Variants in ZNF521 observed in about 807,000 individuals in gnomAD.
The protein encoded by ZNF521 is LYST-interacting protein 3.
Under a neutral mutation model 105.5 loss-of-function variants are expected in ZNF521, and 14 were observed. That is an observed-to-expected ratio of 0.13 (90% CI 0.09 to 0.21). The LOEUF is 0.21. ZNF521 is among the 10% of genes least tolerant of loss of function. The pLI is 1.00. For synonymous variants in ZNF521, 635 were observed against 606.0 expected (o/e 1.05, Z -0.70); for missense variants, 1,233 against 1,629.7 (o/e 0.76, Z 4.19).
At chr18:25,295,557 G>GT (rs1446104829) in intron 3 of ZNF521, among the ~76,000 whole-genome samples, 3 of 150,056 alleles carry the variant, frequency 2.0e-5, no homozygotes, top group Non-Finnish European at 4.4e-5. Flanking sequence ...TTGCATGCCC[G>GT]TATCAAAATA....
intron 3 of ZNF521, among the ~76,000 whole-genome samples, chr18:25,305,398 GA>G (rs1911923372): frequency 6.6e-6 from 1 of 152,158 alleles, no homozygotes; most frequent in South Asian, 2.1e-4. Flanking sequence ...ATGTTTTAGT[GA>G]TATCCATTCA....
At chr18:25,312,908 C>T (rs1231954979) in intron 3 of ZNF521, among the ~76,000 whole-genome samples, 1 of 151,992 alleles carries the variant, frequency 6.6e-6, no homozygotes, top group Non-Finnish European at 1.5e-5. Context: ...TTGGTGGGAG[C>T]CCTGACAGTT....
chr18:25,112,566 C>T lies in ZNF521; in HGVS notation c.3659-20485G>A, dbSNP rs543446278. On this transcript the variant is annotated intron_variant, in intron 5 of 7. Transcript: ENST00000361524. ...TGGCAATTTAATAATAAACACACTC[C>T]CATCCAGCGCATCTTGCCATTCTGC... 3.2e-4 allele frequency among the ~76,000 whole-genome samples: 48 copies of T among 152,258 alleles called. No homozygotes were observed. The South Asian group carries it at 8.7e-3, about 28-fold the overall frequency.
chr18:25,290,546 A>C (rs923624633), intron 3 of ZNF521, among the ~76,000 whole-genome samples: 1 of 151,774 alleles, frequency 6.6e-6, no homozygotes. Flanking sequence ...TTTTAACTAG[A>C]GAGCAATTTC....
At chr18:25,109,659 G>T (rs959321344) in intron 5 of ZNF521, among the ~76,000 whole-genome samples, 7 of 152,182 alleles carry the variant, frequency 4.6e-5, no homozygotes, top group South Asian at 2.1e-4. Context: ...GGTGTAAGAT[G>T]ATACCTCATT....
chr18:25,084,754 G>A (rs1408842572), intron 7 of ZNF521, among the ~76,000 whole-genome samples: 5 of 152,182 alleles, frequency 3.3e-5, no homozygotes, highest in South Asian at 4.1e-4. Context: ...AACTTTCTAT[G>A]TGGACACATT....
At chr18:25,178,820 C>CAG (rs1336397248) in intron 5 of ZNF521, among the ~76,000 whole-genome samples, 1 of 152,170 alleles carries the variant, frequency 6.6e-6, no homozygotes, top group Non-Finnish European at 1.5e-5. Context: ...AAGAACACCT[C>CAG]AGCACAGGCT....
intron 3 of ZNF521, among the ~76,000 whole-genome samples, chr18:25,283,026 C>A (rs898610371): frequency 1.3e-5 from 2 of 152,190 alleles, no homozygotes; most frequent in Non-Finnish European, 2.9e-5. Flanking sequence ...TGACTTTAAC[C>A]ACAGCGTGCC....
intron 7 of ZNF521, 126 bp downstream of exon 7, chr18:25,089,339 C>G: frequency 1.4e-6 from 1 of 712,968 alleles, no homozygotes; most frequent in Non-Finnish European, 2.3e-6. Flanking sequence ...CCCTTTGCCC[C>G]CAATACACAC....
chr18:25,345,258 C>G (rs1305858537), intron 2 of ZNF521: 1 of 152,124 alleles, frequency 6.6e-6, no homozygotes, highest in Non-Finnish European at 1.5e-5. Context: ...TTACCGGAAG[C>G]AAAAAGTTGA....
At chr18:25,072,146 C>T (rs2144127901) in intron 7 of ZNF521, among the ~76,000 whole-genome samples, 1 of 152,306 alleles carries the variant, frequency 6.6e-6, no homozygotes, top group Middle Eastern at 3.4e-3. Context: ...TGGAAAAGCC[C>T]ATGGCGGTTA....
At chr18:25,233,662 G>GTTT (rs373253299) in intron 3 of ZNF521, among the ~76,000 whole-genome samples, 10 of 114,448 alleles carry the variant, frequency 8.7e-5, no homozygotes, top group African/African-American at 2.2e-4. Flanking sequence ...AAGCTCAGAG[G>GTTT]TTTTTTTTTT....
chr18:25,261,745 A>G (rs1908926478), intron 3 of ZNF521, among the ~76,000 whole-genome samples: 1 of 152,042 alleles, frequency 6.6e-6, no homozygotes, highest in East Asian at 1.9e-4. Flanking sequence ...CTCCCTGACC[A>G]GATGGAACTC....
At chr18:25,142,990 G>C (rs1012294298) in intron 5 of ZNF521, among the ~76,000 whole-genome samples, 5 of 152,114 alleles carry the variant, frequency 3.3e-5, no homozygotes, top group Admixed American at 1.3e-4. Flanking sequence ...ACACCTGCTA[G>C]AGATGTTCAT....
chr18:25,264,457 T>C (rs1909113770), intron 3 of ZNF521, among the ~76,000 whole-genome samples: 1 of 152,208 alleles, frequency 6.6e-6, no homozygotes, highest in Non-Finnish European at 1.5e-5. Flanking sequence ...CTGAAATTAT[T>C]TTCACTGGGA....
chr18:25,194,744 G>A (rs770350827), intron 5 of ZNF521, among the ~76,000 whole-genome samples: 6 of 151,428 alleles, frequency 4.0e-5, no homozygotes, highest in Non-Finnish European at 8.9e-5. Flanking sequence ...ACAAAAACTC[G>A]CTACTTTAGA....
intron 3 of ZNF521, among the ~76,000 whole-genome samples, chr18:25,240,505 A>G (rs1907237677): frequency 1.3e-5 from 2 of 152,154 alleles, no homozygotes; most frequent in Non-Finnish European, 2.9e-5. Context: ...TGACATAAAC[A>G]CGAGAGGGCT....
chr18:25,219,358 C>G (rs1905543636), intron 4 of ZNF521, among the ~76,000 whole-genome samples: 3 of 151,956 alleles, frequency 2.0e-5, no homozygotes, highest in Non-Finnish European at 2.9e-5. Context: ...CTGAGAAGAT[C>G]GATGGACCTA....
chr18:25,274,844 T>G (rs948230476), intron 3 of ZNF521, among the ~76,000 whole-genome samples: 3 of 152,188 alleles, frequency 2.0e-5, no homozygotes, highest in Non-Finnish European at 4.4e-5. Flanking sequence ...GTGGGACTTA[T>G]GGCTTGTCCC....
Sources: gnomAD v4.1 joint callset for allele counts (sites outside exome capture counted in the v4.1 genomes callset) on GRCh38, gnomAD v4.1.1 for gene constraint, MANE v1.5 for transcripts, NCBI Gene and HGNC (gene_info 2026-07-23, HGNC 2026-07-21) for gene names.